The following PBRM1 variants were observed in gnomAD, a reference collection of about 807,000 sequenced individuals.
The protein encoded by PBRM1 is protein polybromo-1.
In PBRM1, 27 loss-of-function variants were observed where a neutral mutation model predicts 194.5. That is an observed-to-expected ratio of 0.14 (90% confidence interval 0.10 to 0.19). The LOEUF is 0.19. Among genes scored for constraint, PBRM1 ranks in the 10% least tolerant of loss-of-function variants. The pLI is 1.00. For synonymous variants in PBRM1, 655 were observed against 693.2 expected (o/e 0.94, Z 0.87); for missense variants, 1,466 against 2,077.2 (o/e 0.71, Z 5.72).
intron 10 of PBRM1, among the ~76,000 whole-genome samples, chr3:52,636,757 CA>C (rs567776784): frequency 5.8e-3 from 109 of 18,676 alleles, no homozygotes; most frequent in African/African-American, 0.012. Flanking sequence ...ACTCTGTCTC[CA>C]AAAAAAAAAA....
exon 14 of PBRM1, chr3:52,617,263 T>C: frequency 6.2e-7 from 1 of 1,612,640 alleles, no homozygotes; most frequent in Non-Finnish European, 8.5e-7. Flanking sequence ...CCTCCTTACC[T>C]GGGAGCCCTC....
intron 2 of PBRM1, among the ~76,000 whole-genome samples, chr3:52,674,104 GAGAAT>G (rs2097024543): frequency 6.6e-6 from 1 of 151,604 alleles, no homozygotes. Context: ...AACGAAATTA[GAGAAT>G]AGAAAAACAA....
intron 11 of PBRM1, among the ~76,000 whole-genome samples, chr3:52,631,100 A>C (rs1230871938): frequency 6.6e-6 from 1 of 152,140 alleles, no homozygotes; most frequent in Non-Finnish European, 1.5e-5. Flanking sequence ...TTTTAATAAG[A>C]CCAAAAAAAC....
In PBRM1 at chr3:52,579,207, A is replaced by G. The variant is rs2090450639; in HGVS notation, c.3388-8T>C. On this transcript the variant is annotated splice_polypyrimidine_tract_variant and splice_region_variant and intron_variant, in intron 20 of 29. Coordinates refer to ENST00000296302, the Ensembl canonical transcript of PBRM1. ...AGGGACATCTTCTTTTTCCTGTTGT[A>G]AAGAAAACTGGCTGAAGAAAGGTAG... 2 of 1,613,246 alleles carry G rather than the reference A, an allele frequency of 1.2e-6. No homozygotes were observed. Among genetic ancestry groups the G allele is most frequent in the Non-Finnish European group, 1.7e-6 (2 of 1,179,160 alleles).
intron 6 of PBRM1, among the ~76,000 whole-genome samples, chr3:52,649,226 C>T (rs753125403): frequency 7.2e-5 from 11 of 152,112 alleles, no homozygotes; most frequent in Admixed American, 3.3e-4. Context: ...CCTTCTTACA[C>T]GGAGGGAATC....
chr3:52,601,866 A>G (rs933702898), intron 17 of PBRM1, among the ~76,000 whole-genome samples: 1 of 152,166 alleles, frequency 6.6e-6, no homozygotes, highest in African/African-American at 2.4e-5. Flanking sequence ...CTGGGACCCA[A>G]GTGTTCTGCA....
intron 14 of PBRM1, 49 bp from the exon 17 acceptor site, chr3:52,615,505 A>T: frequency 8.4e-7 from 1 of 1,192,888 alleles, no homozygotes; most frequent in Non-Finnish European, 1.2e-6. Context: ...CTTTTCATTA[A>T]GGTATAAAAT....
chr3:52,648,543 C>CAAAA, intron 6 of PBRM1, 101 bp from the exon 8 acceptor site: 1 of 620,010 alleles, frequency 1.6e-6, no homozygotes, highest in East Asian at 2.8e-5. Flanking sequence ...TCACCATATT[C>CAAAA]CAAGACTTTA....
intron 17 of PBRM1, among the ~76,000 whole-genome samples, chr3:52,594,622 G>C (rs983831741): frequency 7.9e-5 from 12 of 152,060 alleles, no homozygotes; most frequent in African/African-American, 2.9e-4. Context: ...ATCTGATCTT[G>C]TCATTGTGTT....
At chr3:52,598,712 C>T (rs558681167) in intron 17 of PBRM1, among the ~76,000 whole-genome samples, 70 of 152,216 alleles carry the variant, frequency 4.6e-4, no homozygotes, top group African/African-American at 1.7e-3. Context: ...AGCAAGATCT[C>T]ATCTCTACAA....
At chr3:52,561,523 A>G (rs532014138) in intron 25 of PBRM1, among the ~76,000 whole-genome samples, 5 of 152,304 alleles carry the variant, frequency 3.3e-5, no homozygotes, top group Non-Finnish European at 7.4e-5. Flanking sequence ...TTAGTAGCAA[A>G]ATATTTTGGA....
At position 52,609,097 on chromosome 3, in the gene PBRM1, A is replaced by G. The variant is rs2094488776; in HGVS notation, c.2567+216T>C. 4.4e-6 allele frequency: 2 copies of G among 451,702 alleles called. No individual in the cohort carries two copies. The highest frequency in any genetic ancestry group is 2.0e-5 in the African/African-American group (1 of 50,096). The allele number at this position is 451,702 out of a possible 1,614,324, so 28.0% of individuals were successfully genotyped here. On this transcript the variant is annotated intron_variant, in intron 16 of 29. Transcript: ENST00000296302. This position sits in a 1 kb window ranked among gnomAD's most constrained non-coding sequence, Gnocchi z 4.1. ...GATTTTCAATTTTGTCTTCCTCCTC[A>G]CTGGCCTTAAACTAGATGACTTAGT...
Position 52,642,050 on chromosome 3 carries a change from A to T in PBRM1, c.996-5T>A, listed in dbSNP as rs576272601. 0.13 allele frequency: 56,501 copies of T among 437,368 alleles called. 119 individuals are homozygous for T. Among genetic ancestry groups the T allele is most frequent in the East Asian group, 0.2 (2,872 of 14,612 alleles). 27.1% of individuals were successfully genotyped at this position (437,368 alleles called of 1,614,324 possible). A position where few individuals can be genotyped will look rare whatever the true frequency, so the allele number is the denominator to read the frequency against. The stretch of plus-strand genomic sequence containing the variant: ...CCTTGTACTGCTCTTTTATTACTAC[A>T]AAAAAAAAAAAAGCAATTAGACAGG... On this transcript the variant is annotated splice_polypyrimidine_tract_variant and splice_region_variant and intron_variant, in intron 9 of 29. Coordinates refer to ENST00000296302, the Ensembl canonical transcript of PBRM1.
chr3:52,639,143 T>C (rs1397126527), intron 10 of PBRM1, among the ~76,000 whole-genome samples: 1 of 151,886 alleles, frequency 6.6e-6, no homozygotes, highest in Non-Finnish European at 1.5e-5. Flanking sequence ...TGCCACTATA[T>C]GTATTTATAG....
chr3:52,552,575 C>T (rs180805995), intron 27 of PBRM1, among the ~76,000 whole-genome samples: 4 of 152,278 alleles, frequency 2.6e-5, no homozygotes, highest in Admixed American at 6.5e-5. Context: ...TCACTGTGTC[C>T]GGCCCTGTCT....
intron 22 of PBRM1, among the ~76,000 whole-genome samples, chr3:52,567,399 G>T (rs1007107541): frequency 6.6e-6 from 1 of 151,640 alleles, no homozygotes; most frequent in East Asian, 1.9e-4. Context: ...TGGGTTAAAG[G>T]GTATGTATAC....
intron 6 of PBRM1, among the ~76,000 whole-genome samples, chr3:52,648,947 C>T (rs2096406779): frequency 6.6e-6 from 1 of 152,102 alleles, no homozygotes; most frequent in African/African-American, 2.4e-5. Context: ...CAAAACAACC[C>T]AGGAATACTC....
intron 2 of PBRM1, among the ~76,000 whole-genome samples, chr3:52,671,567 G>GT (rs1233991127): frequency 9.2e-5 from 14 of 152,244 alleles, no homozygotes; most frequent in Non-Finnish European, 1.9e-4. Context: ...ACAAGAACTT[G>GT]TGCAAGTTCT....
intron 4 of PBRM1, among the ~76,000 whole-genome samples, chr3:52,659,376 T>C (rs567292591): frequency 4.6e-5 from 7 of 152,332 alleles, no homozygotes; most frequent in African/African-American, 1.7e-4. Context: ...GTACTGGTAT[T>C]GTGTCCTAAT....
Sources: allele counts gnomAD v4.1 joint callset (sites outside exome capture counted in the v4.1 genomes callset), GRCh38; gene constraint gnomAD v4.1.1; non-coding constraint Gnocchi (gnomAD v3.1); transcripts MANE v1.5; gene names NCBI Gene and HGNC (gene_info 2026-07-23, HGNC 2026-07-21).